IL12RB1: variants seen among roughly 807,000 people sequenced by gnomAD.
IL12RB1 encodes the protein interleukin 12 receptor subunit beta 1, also known as interleukin-12 receptor subunit beta-1.
In IL12RB1, 64 loss-of-function variants were observed where a neutral mutation model predicts 94.4. The observed-to-expected ratio is 0.68, with a 90% CI of 0.55 to 0.83. The LOEUF (loss-of-function observed/expected upper bound fraction) is 0.83, where lower values mean the gene tolerates loss of function less well. IL12RB1 is among the 40% of genes least tolerant of loss of function. The pLI, the probability that IL12RB1 is intolerant of heterozygous loss-of-function variation, is 0.00. For synonymous variants in IL12RB1, 362 were observed against 355.5 expected (o/e 1.02, Z -0.21); for missense variants, 814 against 855.6 (o/e 0.95, Z 0.61).
chr19:18,066,387 G>A (rs996935648), intron 12 of IL12RB1, among the ~76,000 whole-genome samples, 155 bp downstream of exon 12: 9 of 152,052 alleles, frequency 5.9e-5, no homozygotes, highest in South Asian at 4.1e-4. Flanking sequence ...GATTACAGGC[G>A]TGAGCCACTG....
intron 9 of IL12RB1, 101 bp from the exon 10 acceptor site, chr19:18,069,814 C>A (rs1387874807): frequency 5.6e-6 from 5 of 887,870 alleles, no homozygotes; most frequent in Non-Finnish European, 7.4e-6. Flanking sequence ...TCGTCTATAC[C>A]CCTGACCCTA....
At chr19:18,097,255 G>C (rs2037017258) in intron 1 of IL12RB1, among the ~76,000 whole-genome samples, 1 of 152,130 alleles carries the variant, frequency 6.6e-6, no homozygotes, top group African/African-American at 2.4e-5. Flanking sequence ...CCGGCTCACT[G>C]TAACCTCCGC....
At chr19:18,084,283 TATCC>T (rs201729346) in intron 1 of IL12RB1, among the ~76,000 whole-genome samples, 2,831 of 129,536 alleles carry the variant, frequency 0.022, 40 homozygotes, top group Admixed American at 0.028. Flanking sequence ...CCCATCCATC[TATCC>T]ATCCATCCAT....
At chr19:18,060,139 C>T in intron 15 of IL12RB1, 54 bp from the exon 16 acceptor site, 2 of 981,830 alleles carry the variant, frequency 2.0e-6, no homozygotes, top group Non-Finnish European at 3.2e-6. Flanking sequence ...TTCCCATCCA[C>T]AGCAGGATGG....
At chr19:18,067,728 G>C (rs180794422) in intron 11 of IL12RB1, among the ~76,000 whole-genome samples, 1 of 152,140 alleles carries the variant, frequency 6.6e-6, no homozygotes, top group East Asian at 1.9e-4. Flanking sequence ...GCTTGAACCC[G>C]GGAGGCAGAG....
chr19:18,063,094 T>A (rs1359597876), intron 13 of IL12RB1, among the ~76,000 whole-genome samples: 5 of 107,702 alleles, frequency 4.6e-5, no homozygotes, highest in South Asian at 3.6e-4. Flanking sequence ...TTTTTTTTTT[T>A]TTTTTTTTTT....
Position 18,059,963 on chromosome 19 carries a change from A to T in IL12RB1, c.1914T>A (p.Pro638=), listed in dbSNP as rs199686420. Reference sequence around the variant, plus strand: ...CCAGGGCCAGCTCAGGGGCACCCTCAGGTAGCTCTGTCTTCTCGAGAGGCT... The same window carrying T: ...CCAGGGCCAGCTCAGGGGCACCCTCTGGTAGCTCTGTCTTCTCGAGAGGCT... The part of the protein sequence containing the change: ...RTEPLEKTEL[P]EGAPELALDT... Residue 638 remains proline, a synonymous_variant, in exon 16 of 17, where the codon CCT becomes CCA. Coordinates refer to ENST00000593993, the MANE Select transcript of IL12RB1 (RefSeq NM_005535.3). 6.3e-7 allele frequency: 1 copy of T among 1,599,002 alleles called. No homozygotes were observed. The highest frequency in any genetic ancestry group is 1.1e-5 in the South Asian group (1 of 88,660).
Position 18,082,224 on chromosome 19 carries a change from T to A in IL12RB1, c.165A>T (p.Ile55=). The change falls in exon 3 of 17, where the codon ATA becomes ATT. Residue 55 remains isoleucine, a synonymous_variant. Coordinates refer to ENST00000593993, the MANE Select transcript of IL12RB1 (RefSeq NM_005535.3). Reference sequence around the variant, plus strand: ...AGGAGCACTCGTAACGATCACTGGATATCCGATAGCATCTCAGGTCCCTAG... The same window carrying A: ...AGGAGCACTCGTAACGATCACTGGAAATCCGATAGCATCTCAGGTCCCTAG... ...SGPRDLRCYR[I]SSDRYECSWQ... 6.2e-7 allele frequency: 1 copy of A among 1,613,824 alleles called. No individual in the cohort carries two copies. The highest frequency in any genetic ancestry group is 8.5e-7 in the Non-Finnish European group (1 of 1,179,824).
chr19:18,076,315 G>A lies in IL12RB1; in HGVS notation c.562C>T (p.Pro188Ser). 7.0e-7 allele frequency: 1 copy of A among 1,429,864 alleles called. No individual in the cohort carries two copies. Among genetic ancestry groups the A allele is most frequent in the South Asian group, 1.1e-5 (1 of 87,490 alleles). 88.6% of individuals were successfully genotyped at this position (1,429,864 alleles called of 1,614,324 possible). A position where few individuals can be genotyped will look rare whatever the true frequency, so the allele number is the denominator to read the frequency against. The change falls in exon 6 of 17, where the codon CCT becomes TCT. Residue 188 changes from proline (P) to serine (S), a missense_variant. Physicochemically the swap from Pro to Ser is moderately conservative, Grantham distance 74. Transcript: ENST00000593993. ...SSPWKLGDCGPQDDDTESCLC... is the reference protein window; with the variant it reads ...SSPWKLGDCGSQDDDTESCLC... Reference sequence around the variant, plus strand: ...TTCTCACCAGTATCATCATCCTGAGGTCCGCAGTCGCCCTAGAATAAAAAC... The same window carrying A: ...TTCTCACCAGTATCATCATCCTGAGATCCGCAGTCGCCCTAGAATAAAAAC...
At chr19:18,088,857 C>T (rs1464528344), upstream of IL12RB1, among the ~76,000 whole-genome samples, 1 of 152,022 alleles carries the variant, frequency 6.6e-6, no homozygotes, top group Non-Finnish European at 1.5e-5. Flanking sequence ...AGGCGAAACC[C>T]TGTCTCTACT....
chr19:18,073,535 C>G lies in IL12RB1; in HGVS notation c.765G>C (p.Arg255=). ...VEQLGQDGRR[R]LTLKEQPTQL... ...CCGTTACCTGCTCTTTCAGGGTCAGCCGCCTCCTCCCATCCTGGCCCAGCT... is the reference window on the plus strand; with the variant it reads ...CCGTTACCTGCTCTTTCAGGGTCAGGCGCCTCCTCCCATCCTGGCCCAGCT... The change falls in exon 8 of 17, where the codon CGG becomes CGC. Residue 255 remains arginine, a synonymous_variant. Transcript: ENST00000593993. 6.2e-7 allele frequency: 1 copy of G among 1,609,732 alleles called. No individual in the cohort carries two copies. The highest frequency in any genetic ancestry group is 1.1e-5 in the South Asian group (1 of 90,984).
chr19:18,060,006 TCCC>T lies in IL12RB1; in HGVS notation c.1868_1870del (p.Trp623_Asp624delinsTyr). The T allele has an allele frequency of 1.2e-6, 2 of 1,602,604 alleles. No individual in the cohort carries two copies. Among genetic ancestry groups the T allele is most frequent in the Non-Finnish European group, 1.7e-6 (2 of 1,171,562 alleles). ...GAGAGGCTCAGTCCTCTCGCCTTTG[TCCC>T]AGGACATCTCTACCACCAGGGCCTC... On this transcript the variant is annotated inframe_deletion, in exon 16 of 17. Coordinates refer to ENST00000593993, the MANE Select transcript of IL12RB1 (RefSeq NM_005535.3).
intron 12 of IL12RB1, among the ~76,000 whole-genome samples, chr19:18,066,189 T>A (rs768221224): frequency 4.0e-5 from 6 of 151,158 alleles, no homozygotes; most frequent in African/African-American, 7.3e-5. Flanking sequence ...CTCACTGCAA[T>A]CTCCGCCTCC....
chr19:18,079,163 G>T (rs898671820), intron 4 of IL12RB1, among the ~76,000 whole-genome samples: 1 of 150,340 alleles, frequency 6.7e-6, no homozygotes, highest in Non-Finnish European at 1.5e-5. Context: ...GAGTGCAGTG[G>T]TGTGATCTCG....
intron 13 of IL12RB1, among the ~76,000 whole-genome samples, chr19:18,063,566 G>A (rs187144088): frequency 9.7e-4 from 148 of 152,296 alleles, no homozygotes; most frequent in Non-Finnish European, 1.7e-3. Flanking sequence ...TGGCCAGAAG[G>A]AGGCAGAGAA....
At chr19:18,077,749 A>G in intron 4 of IL12RB1, 94 bp from the exon 5 acceptor site, 1 of 787,022 alleles carries the variant, frequency 1.3e-6, no homozygotes, top group South Asian at 1.4e-5. Context: ...AAGCAACTGA[A>G]TCCCTAAATA....
chr19:18,069,949 T>C (rs2034901138), intron 9 of IL12RB1, among the ~76,000 whole-genome samples: 4 of 151,978 alleles, frequency 2.6e-5, no homozygotes, highest in Admixed American at 2.6e-4. Flanking sequence ...GGATTCTTGC[T>C]CTGTCGCCCA....
At chr19:18,066,799 G>A (rs913839554) in intron 11 of IL12RB1, 102 bp from the exon 12 acceptor site, 33 of 878,200 alleles carry the variant, frequency 3.8e-5, no homozygotes, top group African/African-American at 6.6e-5. Context: ...GGCCGAGGTG[G>A]GTAAGTCATT....
chr19:18,078,930 G>A (rs1425644576), intron 4 of IL12RB1, among the ~76,000 whole-genome samples: 2 of 152,032 alleles, frequency 1.3e-5, no homozygotes, highest in African/African-American at 4.8e-5. Flanking sequence ...GCCAGGCACA[G>A]GGGCCCACGC....
Sources: gnomAD v4.1 joint callset for allele counts (sites outside exome capture counted in the v4.1 genomes callset) on GRCh38, gnomAD v4.1.1 for gene constraint, MANE v1.5 for transcripts, NCBI Gene and HGNC (gene_info 2026-07-23, HGNC 2026-07-21) for gene names.